ARHGAP18: variants seen among roughly 807,000 people sequenced by gnomAD.
ARHGAP18 encodes Rho GTPase activating protein 18, also known as rho GTPase-activating protein 18.
Under a neutral mutation model 86.2 loss-of-function variants are expected in ARHGAP18, and 67 were observed. That is an observed-to-expected ratio of 0.78 (90% confidence interval 0.64 to 0.95). The LOEUF is 0.95. ARHGAP18 is among the 40% of genes least tolerant of loss of function. The pLI is 0.00. For missense variants in ARHGAP18, 691 were observed against 780.4 expected, an observed-to-expected ratio of 0.89 and a Z score of 1.37; for synonymous variants, 283 against 280.4, an observed-to-expected ratio of 1.01 and a Z score of -0.09.
chr6:129,705,206 T>A (rs567451272), intron 1 of ARHGAP18, among the ~76,000 whole-genome samples: 32 of 152,336 alleles, frequency 2.1e-4, no homozygotes, highest in African/African-American at 7.2e-4. Flanking sequence ...ATATGTGGAA[T>A]GACTGAATGA....
intron 5 of ARHGAP18, 96 bp from the exon 6 acceptor site, chr6:129,618,948 C>T (rs1242583041): frequency 1.8e-6 from 2 of 1,103,944 alleles, no homozygotes; most frequent in East Asian, 2.4e-5. Context: ...AAGTTATACT[C>T]AGAATAAGTG....
chr6:129,664,702 T>A (rs551942876), intron 1 of ARHGAP18, among the ~76,000 whole-genome samples: 3 of 152,196 alleles, frequency 2.0e-5, no homozygotes, highest in Non-Finnish European at 4.4e-5. Flanking sequence ...CTCTAAATGC[T>A]GGGGATTTAG....
intron 6 of ARHGAP18, among the ~76,000 whole-genome samples, 187 bp downstream of exon 6, chr6:129,618,500 G>A (rs1789142256): frequency 6.6e-6 from 1 of 152,134 alleles, no homozygotes; most frequent in Non-Finnish European, 1.5e-5. Flanking sequence ...CTATAGTCTA[G>A]GACACAGTGT....
intron 6 of ARHGAP18, among the ~76,000 whole-genome samples, chr6:129,617,513 A>C (rs1339332788): frequency 2.0e-5 from 3 of 152,202 alleles, no homozygotes; most frequent in Non-Finnish European, 2.9e-5. Flanking sequence ...ATAACATAAA[A>C]TCAGTATCTT....
At chr6:129,659,964 A>C (rs990641938) in intron 1 of ARHGAP18, among the ~76,000 whole-genome samples, 1 of 151,846 alleles carries the variant, frequency 6.6e-6, no homozygotes, top group African/African-American at 2.4e-5. Context: ...ACAAGCAAAG[A>C]CAGAGTAGCA....
intron 1 of ARHGAP18, among the ~76,000 whole-genome samples, chr6:129,655,337 A>AAAAAAG (rs1773809682): frequency 3.0e-5 from 3 of 98,698 alleles, no homozygotes; most frequent in East Asian, 3.1e-4. Flanking sequence ...AAAAAAAAAA[A>AAAAAAG]AAAAGAAAAG....
At chr6:129,629,285 GTA>G in intron 5 of ARHGAP18, 66 bp downstream of exon 5, 1 of 1,300,040 alleles carries the variant, frequency 7.7e-7, no homozygotes, top group East Asian at 2.4e-5. Context: ...GTGTGTGTAT[GTA>G]TATGTGTGTG....
chr6:129,593,425 C>T (rs542495779), intron 12 of ARHGAP18, among the ~76,000 whole-genome samples: 1 of 152,138 alleles, frequency 6.6e-6, no homozygotes, highest in African/African-American at 2.4e-5. Context: ...TGCACCATTG[C>T]ACTTCAGCCT....
chr6:129,694,394 C>G (rs527507308), intron 1 of ARHGAP18, among the ~76,000 whole-genome samples: 1 of 152,284 alleles, frequency 6.6e-6, no homozygotes, highest in Non-Finnish European at 1.5e-5. Context: ...TACCACCAGC[C>G]TGAATGGGTT....
intron 1 of ARHGAP18, among the ~76,000 whole-genome samples, chr6:129,675,619 G>A (rs954649794): frequency 1.3e-5 from 2 of 152,136 alleles, no homozygotes; most frequent in African/African-American, 4.8e-5. Flanking sequence ...TTGCAGCACA[G>A]CCACCTGCCT....
chr6:129,579,029 G>A (rs1354486520), intron 14 of ARHGAP18, among the ~76,000 whole-genome samples: 1 of 151,916 alleles, frequency 6.6e-6, no homozygotes, highest in Non-Finnish European at 1.5e-5. Flanking sequence ...TCAAAATATT[G>A]TAAGAATTGG....
At chr6:129,634,240 G>A in intron 3 of ARHGAP18, 135 bp from the exon 4 acceptor site, 1 of 647,202 alleles carries the variant, frequency 1.5e-6, no homozygotes, top group Non-Finnish European at 2.6e-6. Context: ...TGAAAAAGGG[G>A]CACTAAGATA....
intron 12 of ARHGAP18, among the ~76,000 whole-genome samples, chr6:129,590,359 G>A (rs1375708462): frequency 6.6e-6 from 1 of 152,170 alleles, no homozygotes; most frequent in African/African-American, 2.4e-5. Flanking sequence ...TCTGACCCAG[G>A]AATCTAGGAT....
At chr6:129,637,315 T>C (rs1773354936) in intron 3 of ARHGAP18, among the ~76,000 whole-genome samples, 1 of 152,172 alleles carries the variant, frequency 6.6e-6, no homozygotes, top group African/African-American at 2.4e-5. Context: ...CCCAAAGTGC[T>C]GGGATAACAG....
intron 5 of ARHGAP18, among the ~76,000 whole-genome samples, chr6:129,624,007 A>T (rs181286449): frequency 6.6e-6 from 1 of 152,334 alleles, no homozygotes; most frequent in African/African-American, 2.4e-5. Context: ...CTTTGGGCAC[A>T]ACTTGAATAT....
chr6:129,653,124 G>A (rs1377519777), intron 1 of ARHGAP18, among the ~76,000 whole-genome samples: 1 of 152,142 alleles, frequency 6.6e-6, no homozygotes, highest in Non-Finnish European at 1.5e-5. Flanking sequence ...ATAAGGTAGA[G>A]AAATCATCTC....
intron 1 of ARHGAP18, among the ~76,000 whole-genome samples, chr6:129,673,572 A>G (rs560954763): frequency 2.6e-5 from 4 of 152,310 alleles, no homozygotes; most frequent in African/African-American, 4.8e-5. Flanking sequence ...ATCTGTCTCA[A>G]TGAAACTTCT....
chr6:129,588,003 A>G (rs762607207), intron 12 of ARHGAP18, among the ~76,000 whole-genome samples: 10 of 152,192 alleles, frequency 6.6e-5, no homozygotes, highest in Non-Finnish European at 1.3e-4. Context: ...TACTTCCCAG[A>G]TACAATGGGG....
chr6:129,697,521 C>A (rs539019804), intron 1 of ARHGAP18, among the ~76,000 whole-genome samples: 2 of 152,092 alleles, frequency 1.3e-5, no homozygotes, highest in Non-Finnish European at 2.9e-5. Flanking sequence ...CTGAGGCCTG[C>A]AATTTCTAGT....
Sources: allele counts gnomAD v4.1 joint callset (sites outside exome capture counted in the v4.1 genomes callset), GRCh38; gene constraint gnomAD v4.1.1; transcripts MANE v1.5; gene names NCBI Gene and HGNC (gene_info 2026-07-23, HGNC 2026-07-21).